The following CES5A variants were observed in gnomAD, a reference collection of about 807,000 sequenced individuals.
CES5A encodes carboxylesterase 5.
A neutral mutation model predicts 62.9 loss-of-function variants in CES5A; 67 were observed. The ratio of observed to expected loss-of-function variants is 1.07; its 90% CI spans 0.88 to 1.31. The LOEUF (loss-of-function observed/expected upper bound fraction) is 1.31, where lower values mean the gene tolerates loss of function less well. Among genes scored for constraint, CES5A ranks in the 50% most tolerant of loss-of-function variants. The pLI is 0.00. For missense variants in CES5A, 748 were observed against 708.5 expected (o/e 1.06, Z -0.63); for synonymous variants, 296 against 280.8 (o/e 1.05, Z -0.54).
chr16:55,912,343 C>T (rs1248690375), intron 1 of CES5A, among the ~76,000 whole-genome samples: 5 of 152,242 alleles, frequency 3.3e-5, no homozygotes, highest in Admixed American at 3.3e-4. Flanking sequence ...CTCCCAGCGT[C>T]TTTCCTTGTC....
At chr16:55,938,815 T>TAC (rs1217964818) in intron 2 of CES5A, among the ~76,000 whole-genome samples, 3 of 100,188 alleles carry the variant, frequency 3.0e-5, no homozygotes, top group African/African-American at 7.6e-5. Flanking sequence ...TATATATATA[T>TAC]ACACACACAT....
rs572203901 is a variant in CES5A, at chr16:55,847,745, A to G, written c.1424-905T>C. Among the ~76,000 whole-genome samples, 331 of 152,362 alleles carry G rather than the reference A, an allele frequency of 2.2e-3. 2 individuals are homozygous for G. Among genetic ancestry groups the G allele is most frequent in the African/African-American group, 7.4e-3 (306 of 41,578 alleles). ...GCATGTAATATACAAAAACATTTAT[A>G]TGCAATCATATATAAATATATAATG... On this transcript the variant is annotated intron_variant, in intron 11 of 12. Transcript: ENST00000290567.
In CES5A at chr16:55,846,343, GT is replaced by G; in HGVS notation, c.*107del. 1.2e-6 allele frequency: 1 copy of G among 814,994 alleles called. No homozygotes were observed. Among genetic ancestry groups the G allele is most frequent in the South Asian group, 1.7e-5 (1 of 58,864 alleles). 50.5% of individuals were successfully genotyped at this position (814,994 alleles called of 1,614,324 possible). ...CATAAAATATCAGCGAAAGCAGCTT[GT>G]TTTGCAAGGATCCCCATAGAAAGCA... On this transcript the variant is annotated 3_prime_UTR_variant, in exon 13 of 13. Transcript: ENST00000290567.
intron 1 of CES5A, among the ~76,000 whole-genome samples, chr16:55,952,810 A>C (rs2034572626): frequency 6.6e-6 from 1 of 152,186 alleles, no homozygotes; most frequent in Non-Finnish European, 1.5e-5. Flanking sequence ...AGAGTAAGAA[A>C]GTTTATGGTC....
chr16:55,860,593 G>A lies in CES5A; in HGVS notation c.915+819C>T, dbSNP rs566832036. On this transcript the variant is annotated intron_variant, in intron 7 of 12. Transcript: ENST00000290567. The stretch of plus-strand genomic sequence containing the variant: ...AGGACTGTAGGGGTTGTAGGAGACT[G>A]TAGGTGTCTCCCTGAGACACAGTGC... Among the ~76,000 whole-genome samples, 27 of 152,292 alleles carry A rather than the reference G, an allele frequency of 1.8e-4. No homozygotes were observed. The South Asian group carries it at 1.9e-3, about 11-fold the overall frequency.
rs773771399 is a variant in CES5A, at chr16:55,846,527, T to A, written c.1652A>T (p.Asp551Val). ...STIPLILSASDMLHSPLSSLT... is the reference protein window; with the variant it reads ...STIPLILSASVMLHSPLSSLT... ...GGAAGAAAGAGGACTGTGGAGCATG[T>A]CGGAGGCAGACAGGATCAGGGGGAT... Residue 551 changes from aspartate (D) to valine (V), a missense_variant, in exon 13 of 13, where the codon GAC (aspartate) becomes GTC (valine). Transcript: ENST00000290567. 3.1e-6 allele frequency: 5 copies of A among 1,614,110 alleles called. No individual in the cohort carries two copies. The highest frequency in any genetic ancestry group is 4.2e-6 in the Non-Finnish European group (5 of 1,180,004).
At chr16:55,932,400 T>C (rs2034323560) in intron 2 of CES5A, among the ~76,000 whole-genome samples, 1 of 152,186 alleles carries the variant, frequency 6.6e-6, no homozygotes, top group Non-Finnish European at 1.5e-5. Context: ...GGGGGTACAA[T>C]GATGAATACA....
intron 1 of CES5A, among the ~76,000 whole-genome samples, chr16:55,897,977 A>G (rs1597140311): frequency 6.6e-6 from 1 of 152,224 alleles, no homozygotes; most frequent in Non-Finnish European, 1.5e-5. Flanking sequence ...CATGAAAAGC[A>G]TATATACTGA....
intron 2 of CES5A, among the ~76,000 whole-genome samples, chr16:55,935,538 T>C (rs1379030628): frequency 2.0e-5 from 3 of 152,204 alleles, no homozygotes; most frequent in African/African-American, 7.2e-5. Flanking sequence ...AAATTAATCA[T>C]CACATCCATC....
chr16:55,874,179 G>T (rs988944019), intron 1 of CES5A, 142 bp from the exon 2 acceptor site: 1 of 721,534 alleles, frequency 1.4e-6, no homozygotes, highest in South Asian at 1.8e-5. Context: ...CCCTCTCCAT[G>T]AATCCAGTTC....
At chr16:55,868,115 C>T (rs1477634751) in intron 4 of CES5A, among the ~76,000 whole-genome samples, 1 of 152,214 alleles carries the variant, frequency 6.6e-6, no homozygotes, top group Admixed American at 6.5e-5. Context: ...CAGGCCTGTC[C>T]TTGCCTTCCC....
intron 1 of CES5A, among the ~76,000 whole-genome samples, chr16:55,885,321 A>ACCC (rs2033803976): frequency 6.6e-6 from 1 of 151,998 alleles, no homozygotes; most frequent in South Asian, 2.1e-4. Context: ...CCAGTCCCAG[A>ACCC]CCCCCATCTT....
chr16:55,912,340 C>T (rs2034101923), intron 1 of CES5A, among the ~76,000 whole-genome samples: 1 of 152,174 alleles, frequency 6.6e-6, no homozygotes, highest in South Asian at 2.1e-4. Flanking sequence ...GCGCTCCCAG[C>T]GTCTTTCCTT....
intron 3 of CES5A, among the ~76,000 whole-genome samples, chr16:55,870,948 A>G (rs1199842235): frequency 1.3e-5 from 2 of 152,168 alleles, no homozygotes; most frequent in Non-Finnish European, 2.9e-5. Context: ...TACAACATGG[A>G]GCAAGTCACT....
In CES5A at chr16:55,930,918, C is replaced by CA. The variant is rs141085719; in HGVS notation, c.160+18866dup. 2.3e-3 allele frequency among the ~76,000 whole-genome samples: 347 copies of CA among 150,776 alleles called. 2 individuals carry two copies. The highest frequency in any genetic ancestry group is 6.0e-3 in the African/African-American group (247 of 41,074). ...TTATAGGAATGTCTTAAGTCATAGA[C>CA]AAAAAAAACAAAAAAAATTACATCC... On this transcript the variant is annotated intron_variant, in intron 2 of 13. Coordinates refer to the CES5A transcript ENST00000521992.
chr16:55,923,639 G>A (rs1206195979), intron 1 of CES5A, among the ~76,000 whole-genome samples: 3 of 151,676 alleles, frequency 2.0e-5, no homozygotes, highest in Non-Finnish European at 1.5e-5. Flanking sequence ...AATTGAAGAG[G>A]ACAGGACACT....
chr16:55,857,325 T>C (rs2033262492), intron 8 of CES5A, among the ~76,000 whole-genome samples: 1 of 152,338 alleles, frequency 6.6e-6, no homozygotes, highest in Admixed American at 6.5e-5. Context: ...GTACTTGGTA[T>C]GTAGTAAGTG....
At chr16:55,876,399 G>C (rs554961178), upstream of CES5A, among the ~76,000 whole-genome samples, 47 of 152,240 alleles carry the variant, frequency 3.1e-4, no homozygotes, top group African/African-American at 8.4e-4. Context: ...TTTGCCTCTA[G>C]CAACCATTAC....
intron 1 of CES5A, among the ~76,000 whole-genome samples, chr16:55,920,588 A>G (rs1485849463): frequency 6.6e-6 from 1 of 152,262 alleles, no homozygotes; most frequent in East Asian, 1.9e-4. Flanking sequence ...AGCGCTACCT[A>G]GAGTTGAAAA....
Sources: gnomAD v4.1 joint callset for allele counts (sites outside exome capture counted in the v4.1 genomes callset) on GRCh38, gnomAD v4.1.1 for gene constraint, MANE v1.5 for transcripts, NCBI Gene and HGNC (gene_info 2026-07-23, HGNC 2026-07-21) for gene names.